Variants in PTPRM observed in about 807,000 individuals in gnomAD.
PTPRM encodes protein tyrosine phosphatase receptor type M.
In PTPRM, 47 loss-of-function variants were observed where a neutral mutation model predicts 186.7. The ratio of observed to expected loss-of-function variants is 0.25; its 90% confidence interval spans 0.20 to 0.32. The LOEUF is 0.32. PTPRM is among the 10% of genes least tolerant of loss of function. PTPRM has a pLI of 1.00. For missense variants in PTPRM, 1,494 were observed against 1,865.0 expected, an observed-to-expected ratio of 0.80 and a Z score of 3.66; for synonymous variants, 668 against 674.9, an observed-to-expected ratio of 0.99 and a Z score of 0.16.
At chr18:8,318,834 A>G (rs2095327501) in intron 21 of PTPRM, among the ~76,000 whole-genome samples, 1 of 152,256 alleles carries the variant, frequency 6.6e-6, no homozygotes, top group African/African-American at 2.4e-5. Context: ...CCCAAACACA[A>G]ATGAAATTCT....
chr18:8,186,923 G>C (rs1601091380), intron 14 of PTPRM, among the ~76,000 whole-genome samples: 1 of 151,726 alleles, frequency 6.6e-6, no homozygotes, highest in African/African-American at 2.4e-5. Context: ...AGTGGGCAAG[G>C]AGGGCCTCCC....
intron 1 of PTPRM, among the ~76,000 whole-genome samples, chr18:7,573,362 G>A (rs554273682): frequency 3.7e-4 from 56 of 152,236 alleles, no homozygotes; most frequent in Non-Finnish European, 6.8e-4. Flanking sequence ...CTGGGAAACT[G>A]CACCAGTGTT....
At chr18:7,775,449 G>A (rs1340194095) in intron 2 of PTPRM, among the ~76,000 whole-genome samples, 1 of 152,094 alleles carries the variant, frequency 6.6e-6, no homozygotes, top group African/African-American at 2.4e-5. Flanking sequence ...TCTTGTCAGC[G>A]ATAAAGAGAG....
chr18:8,362,238 C>T (rs1454927232), intron 23 of PTPRM, among the ~76,000 whole-genome samples: 6 of 152,172 alleles, frequency 3.9e-5, no homozygotes, highest in East Asian at 3.9e-4. Flanking sequence ...GCAATTAGTT[C>T]GCACCTTGCA....
At chr18:8,009,323 C>T (rs1311720226) in intron 7 of PTPRM, among the ~76,000 whole-genome samples, 1 of 145,402 alleles carries the variant, frequency 6.9e-6, no homozygotes, top group East Asian at 2.0e-4. Flanking sequence ...GCTTCCATAA[C>T]TTTTTTTTTT....
intron 2 of PTPRM, among the ~76,000 whole-genome samples, chr18:7,843,073 T>C (rs928164973): frequency 6.6e-6 from 1 of 151,754 alleles, no homozygotes; most frequent in South Asian, 2.1e-4. Flanking sequence ...GAAACCTGGC[T>C]TATACAATCT....
intron 13 of PTPRM, among the ~76,000 whole-genome samples, chr18:8,124,130 G>T (rs1348411801): frequency 3.9e-5 from 6 of 152,122 alleles, no homozygotes; most frequent in Non-Finnish European, 1.5e-5. Flanking sequence ...TGCAGTGCAT[G>T]GCTGCTATTC....
intron 14 of PTPRM, among the ~76,000 whole-genome samples, chr18:8,222,502 G>A (rs372987222): frequency 1.3e-5 from 2 of 152,144 alleles, no homozygotes; most frequent in Non-Finnish European, 2.9e-5. Flanking sequence ...AAGGAAAGCC[G>A]GAACTGACAG....
intron 2 of PTPRM, among the ~76,000 whole-genome samples, chr18:7,824,664 CT>C (rs2045389547): frequency 6.6e-6 from 1 of 152,140 alleles, no homozygotes; most frequent in Non-Finnish European, 1.5e-5. Context: ...TGTCCAGTTA[CT>C]AAGATTAAAA....
At chr18:7,929,060 C>T (rs2051332891) in intron 5 of PTPRM, among the ~76,000 whole-genome samples, 1 of 152,066 alleles carries the variant, frequency 6.6e-6, no homozygotes, top group African/African-American at 2.4e-5. Flanking sequence ...AATGTCTTGT[C>T]TATTTCCAGA....
rs11288424 is a variant in PTPRM, at chr18:8,370,189, CAAAAAAAAA to C, written c.3055-692_3055-684del. Among the ~76,000 whole-genome samples, 80 of 121,870 alleles carry C rather than the reference CAAAAAAAAA, an allele frequency of 6.6e-4. 1 individual carries two copies. The East Asian group carries it at 0.017, about 25-fold the overall frequency. 80.0% of individuals were successfully genotyped at this position (121,870 alleles called of 152,430 possible). ...TTGATGTCTAGAAAAACATTCTTAC[CAAAAAAAAA>C]AAAAAAAATACAATTTGCTAGGAGA... On this transcript the variant is annotated intron_variant, in intron 23 of 32. Coordinates refer to ENST00000580170, the MANE Select transcript of PTPRM (RefSeq NM_001105244.2).
chr18:7,694,731 C>A (rs2039807508), intron 1 of PTPRM, among the ~76,000 whole-genome samples: 1 of 152,104 alleles, frequency 6.6e-6, no homozygotes, highest in Non-Finnish European at 1.5e-5. Flanking sequence ...CGCTGGAAAC[C>A]CTTTTCCACA....
At chr18:7,883,207 A>G (rs1233589336) in intron 2 of PTPRM, among the ~76,000 whole-genome samples, 1 of 152,188 alleles carries the variant, frequency 6.6e-6, no homozygotes, top group African/African-American at 2.4e-5. Flanking sequence ...ATTTTTTAAA[A>G]ATTTACCGAG....
chr18:7,985,017 TTA>T (rs1286985902), intron 7 of PTPRM, among the ~76,000 whole-genome samples: 20 of 123,440 alleles, frequency 1.6e-4, no homozygotes, highest in South Asian at 2.4e-4. Context: ...ATACATATAA[TTA>T]TATATACATA....
intron 2 of PTPRM, among the ~76,000 whole-genome samples, chr18:7,826,908 A>T (rs1351895627): frequency 6.6e-6 from 1 of 152,182 alleles, no homozygotes; most frequent in Non-Finnish European, 1.5e-5. Context: ...AGCCTGGACA[A>T]CATGGTTATA....
At chr18:7,705,282 T>TCTAC (rs2040055049) in intron 1 of PTPRM, among the ~76,000 whole-genome samples, 1 of 36,566 alleles carries the variant, frequency 2.7e-5, no homozygotes, top group Non-Finnish European at 5.9e-5. Context: ...TATCTATTTA[T>TCTAC]CTATCTATCT....
At chr18:8,176,763 A>G (rs2093488709) in intron 14 of PTPRM, among the ~76,000 whole-genome samples, 1 of 152,208 alleles carries the variant, frequency 6.6e-6, no homozygotes, top group Non-Finnish European at 1.5e-5. Context: ...CCAGTCAGGG[A>G]AAAAGATCAA....
At chr18:8,018,217 G>A (rs1395059633) in intron 7 of PTPRM, 3 of 152,266 alleles carry the variant, frequency 2.0e-5, no homozygotes, top group Non-Finnish European at 4.4e-5. Flanking sequence ...AGGAGTTCAA[G>A]GCTGGAGTGT....
In PTPRM at chr18:8,134,498, G is replaced by A. The variant is rs146943156; in HGVS notation, c.2168-9149G>A. Among the ~76,000 whole-genome samples, 823 of 152,034 alleles carry A rather than the reference G, an allele frequency of 5.4e-3. 7 individuals carry two copies. The highest frequency in any genetic ancestry group is 9.4e-3 in the Non-Finnish European group (642 of 67,960). On this transcript the variant is annotated intron_variant, in intron 13 of 32. Coordinates refer to ENST00000580170, the MANE Select transcript of PTPRM (RefSeq NM_001105244.2). Reference sequence around the variant, plus strand: ...CTTCGTAGTCCTTCTTTTTTACCTCGTTGATCATTTGTGCTTCTTTTCTTT... The same window carrying A: ...CTTCGTAGTCCTTCTTTTTTACCTCATTGATCATTTGTGCTTCTTTTCTTT...
Sources: allele counts gnomAD v4.1 joint callset (sites outside exome capture counted in the v4.1 genomes callset), GRCh38; gene constraint gnomAD v4.1.1; transcripts MANE v1.5; gene names NCBI Gene and HGNC (gene_info 2026-07-23, HGNC 2026-07-21).